The following EPN3 variants were observed in gnomAD, a reference collection of about 807,000 sequenced individuals.
The protein encoded by EPN3 is epsin-3.
In EPN3, 56 loss-of-function variants were observed where a neutral mutation model predicts 55.5. The observed-to-expected ratio is 1.01, with a 90% CI of 0.81 to 1.26. The LOEUF is 1.26. Ranked by LOEUF, EPN3 falls within the 50% of genes most tolerant of loss-of-function variation. The pLI, the probability that EPN3 is intolerant of heterozygous loss-of-function variation, is 0.00. For synonymous variants in EPN3, 449 were observed against 375.2 expected, an observed-to-expected ratio of 1.20 and a Z score of -2.27; for missense variants, 927 against 853.4, an observed-to-expected ratio of 1.09 and a Z score of -1.07.
chr17:50,542,239 C>A lies in EPN3; in HGVS notation c.*82C>A. On this transcript the variant is annotated 3_prime_UTR_variant, in exon 10 of 10. Coordinates refer to ENST00000268933, the MANE Select transcript of EPN3 (RefSeq NM_017957.3). ...TCCGGACCCGGGGCTGGGCGGGGCG[C>A]CGGTGCTAGTGGAACGCCGAGCCAG... is the stretch of plus-strand genomic sequence containing the variant. 1 of 1,365,754 alleles carries A rather than the reference C, an allele frequency of 7.3e-7. No homozygotes were observed. The highest frequency in any genetic ancestry group is 9.4e-7 in the Non-Finnish European group (1 of 1,061,354). 84.6% of individuals were successfully genotyped at this position (1,365,754 alleles called of 1,614,324 possible).
In EPN3 at chr17:50,539,220, A is replaced by C; in HGVS notation, c.796A>C (p.Met266Leu). The change falls in exon 5 of 10, where the codon ATG (methionine) becomes CTG (leucine). Residue 266 changes from methionine (M) to leucine (L), a missense_variant. By Grantham distance (15) the Met-to-Leu change is conservative. Coordinates refer to ENST00000268933, the MANE Select transcript of EPN3 (RefSeq NM_017957.3). ...VRSWQGDGSP[M>L]ANGAGAVVHH... ...GTCCTGGCAGGGTGATGGCTCCCCC[A>C]TGGCCAATGGTGCAGGGGCCGTGGT... The C allele has an allele frequency of 6.2e-7, 1 of 1,614,064 alleles. No homozygotes were observed. Among genetic ancestry groups the C allele is most frequent in the Non-Finnish European group, 8.5e-7 (1 of 1,179,978 alleles).
At position 50,541,981 on chromosome 17, in the gene EPN3, T is replaced by G; in HGVS notation, c.1723T>G (p.Tyr575Asp). The G allele has an allele frequency of 1.3e-6, 2 of 1,597,794 alleles. No homozygotes were observed. The highest frequency in any genetic ancestry group is 2.2e-5 in the South Asian group (2 of 90,750). The change falls in exon 10 of 10, where the codon TAC becomes GAC. Residue 575 changes from tyrosine (Y) to aspartate (D), a missense_variant. Physicochemically the swap from Tyr to Asp is radical, Grantham distance 160. Transcript: ENST00000268933. The stretch of plus-strand genomic sequence containing the variant: ...GGGGGCGCCCCTGGGCTCCATGACC[T>G]ACAGCGCCTCTCTGCCCCTCCCGCT... ...PVGAPLGSMTYSASLPLPLSS... is the reference protein window; with the variant it reads ...PVGAPLGSMTDSASLPLPLSS...
Position 50,541,341 on chromosome 17 carries a change from G to A in EPN3, c.1354+8G>A. 1 of 1,611,336 alleles carries A rather than the reference G, an allele frequency of 6.2e-7. No homozygotes were observed. The highest frequency in any genetic ancestry group is 8.5e-7 in the Non-Finnish European group (1 of 1,179,824). On this transcript the variant is annotated splice_region_variant and intron_variant, in intron 8 of 9. Coordinates refer to ENST00000268933, the MANE Select transcript of EPN3 (RefSeq NM_017957.3). ...AGCCCAGCAGCCCTGTGGGTGAGCA[G>A]GGCAAGGGGATGGTGAGGCTCTGGG...
Position 50,538,836 on chromosome 17 carries a change from C to A in EPN3, c.682-48C>A, listed in dbSNP as rs776851914. On this transcript the variant is annotated intron_variant, in intron 3 of 9. Coordinates refer to ENST00000268933, the MANE Select transcript of EPN3 (RefSeq NM_017957.3). The stretch of plus-strand genomic sequence containing the variant: ...GGCAGGCCTATACTGCCCTTCTGGT[C>A]CCAAGGTGGGGGTACAGGGCCAAGT... 4 of 1,450,062 alleles carry A rather than the reference C, an allele frequency of 2.8e-6. No individual in the cohort carries two copies. The South Asian group carries it at 5.4e-5, about 19-fold the overall frequency. 89.8% of individuals were successfully genotyped at this position (1,450,062 alleles called of 1,614,324 possible).
rs375774638 is a variant in EPN3, at chr17:50,540,226, G to A, written c.892-21G>A. 84 of 1,607,682 alleles carry A rather than the reference G, an allele frequency of 5.2e-5. 1 individual carries two copies. Among genetic ancestry groups the A allele is most frequent in the Admixed American group, 5.0e-4 (30 of 59,902 alleles). On this transcript the variant is annotated intron_variant, in intron 5 of 9. Transcript: ENST00000268933. ...CAGGCCCCGCCCACTTCTGAGCCGC[G>A]GCTGCCTCTCCCCTCCACAGTCCTC... is the stretch of plus-strand genomic sequence containing the variant.
At chr17:50,534,858 C>G (rs1483285963) in intron 1 of EPN3, among the ~76,000 whole-genome samples, 3 of 152,126 alleles carry the variant, frequency 2.0e-5, no homozygotes, top group Non-Finnish European at 4.4e-5. Context: ...CTTCTGGCAG[C>G]CTGGGGACCA....
At chr17:50,541,084 G>A (rs7214535) in intron 7 of EPN3, 22 bp downstream of exon 7, 65,348 of 1,570,046 alleles carry the variant, frequency 0.042, 2,573 homozygotes, top group African/African-American at 0.2. Flanking sequence ...GCCAGAGAGT[G>A]TGAGTGAGGA....
Position 50,538,948 on chromosome 17 carries a change from G to A in EPN3, c.746G>A (p.Arg249Gln), listed in dbSNP as rs774832309. The change falls in exon 4 of 10, where the codon CGG becomes CAG. Residue 249 changes from arginine (R) to glutamine (Q), a missense_variant. Coordinates refer to ENST00000268933, the MANE Select transcript of EPN3 (RefSeq NM_017957.3). ...LQLQLALRLS[R>Q]QEHEKEVRSW... ...CTGCAGCTGGCTCTGCGCCTGAGCCGGCAGGAGCACGAGAAGGTAGTGGGC... is the reference window on the plus strand; with the variant it reads ...CTGCAGCTGGCTCTGCGCCTGAGCCAGCAGGAGCACGAGAAGGTAGTGGGC... 19 of 1,606,660 alleles carry A rather than the reference G, an allele frequency of 1.2e-5. No homozygotes were observed. Among genetic ancestry groups the A allele is most frequent in the South Asian group, 9.9e-5 (9 of 90,566 alleles).
chr17:50,538,728 G>C (rs2034800399), intron 3 of EPN3, 156 bp from the exon 4 acceptor site: 1 of 537,884 alleles, frequency 1.9e-6, no homozygotes, highest in Non-Finnish European at 3.3e-6. Flanking sequence ...GCAGGGAGAA[G>C]GCCACGCCCA....
chr17:50,540,445 G>C, intron 6 of EPN3, 111 bp downstream of exon 6: 1 of 1,012,610 alleles, frequency 9.9e-7, no homozygotes, highest in African/African-American at 1.6e-5. Flanking sequence ...CACCGGGCAA[G>C]TCACTCACCA....
chr17:50,535,103 G>A (rs1198775515), intron 1 of EPN3, among the ~76,000 whole-genome samples: 1 of 152,192 alleles, frequency 6.6e-6, no homozygotes, highest in Non-Finnish European at 1.5e-5. Context: ...TGGACCTGTG[G>A]CTACTGGGGG....
rs1259343843 is a variant in EPN3, at chr17:50,540,932, G to C, written c.1119G>C (p.Trp373Cys). Reference protein sequence around the residue: ...LTPMLSSSEPWGRTPVLPAGP... With the variant: ...LTPMLSSSEPCGRTPVLPAGP... ...CCATGCTCTCCTCCTCTGAGCCCTG[G>C]GGCAGGACCCCAGTGCTGCCTGCTG... The change falls in exon 7 of 10, where the codon TGG becomes TGC. Residue 373 changes from tryptophan to cysteine, a missense_variant. Trp to Cys is a radical substitution (Grantham distance 215, BLOSUM62 -2). Coordinates refer to ENST00000268933, the MANE Select transcript of EPN3 (RefSeq NM_017957.3). 2 of 1,613,842 alleles carry C rather than the reference G, an allele frequency of 1.2e-6. No homozygotes were observed. Among genetic ancestry groups the C allele is most frequent in the Non-Finnish European group, 1.7e-6 (2 of 1,180,008 alleles).
Position 50,541,683 on chromosome 17 carries a change from C to T in EPN3, c.1574C>T (p.Pro525Leu), listed in dbSNP as rs1597864415. 1.2e-6 allele frequency: 2 copies of T among 1,614,000 alleles called. No homozygotes were observed. The highest frequency in any genetic ancestry group is 1.7e-6 in the Non-Finnish European group (2 of 1,179,912). The change falls in exon 9 of 10, where the codon CCC (proline) becomes CTC (leucine). Residue 525 changes from proline (P) to leucine (L), a missense_variant. Coordinates refer to ENST00000268933, the MANE Select transcript of EPN3 (RefSeq NM_017957.3). ...KAPQVAKTRN[P>L]FLTGLSAPSP... ...CCCCAGGTTGCAAAGACCCGGAACCCCTTCCTGACAGGTAAGATATGCCCT... is the reference window on the plus strand; with the variant it reads ...CCCCAGGTTGCAAAGACCCGGAACCTCTTCCTGACAGGTAAGATATGCCCT...
Position 50,532,823 on chromosome 17 carries a change from G to T in EPN3, c.-299G>T. The T allele has an allele frequency of 8.4e-7, 1 of 1,197,118 alleles. No individual in the cohort carries two copies. The highest frequency in any genetic ancestry group is 1.3e-5 in the South Asian group (1 of 78,132). The allele number at this position is 1,197,118 out of a possible 1,614,324, so 74.2% of individuals were successfully genotyped here. On this transcript the variant is annotated 5_prime_UTR_variant, in exon 1 of 10. Coordinates refer to ENST00000268933, the MANE Select transcript of EPN3 (RefSeq NM_017957.3). ...GGACCCTGCCGCTGCCCCTCTGAGG[G>T]GTCTGCACCTCCTGGGAGCAGGTGG... is the stretch of plus-strand genomic sequence containing the variant.
Position 50,534,487 on chromosome 17 carries a change from A to C in EPN3, c.-137+1502A>C, listed in dbSNP as rs1024777843. 2.9e-5 allele frequency: 29 copies of C among 985,462 alleles called. No individual in the cohort carries two copies. In the East Asian group the frequency reaches 2.3e-3, roughly 77 times the overall value. 61.0% of individuals were successfully genotyped at this position (985,462 alleles called of 1,614,324 possible). ...GCGTGTGCTGGGCGGGCTTTGGTGCACATTATTTCCCATCTTGACTCTGCC... is the reference window on the plus strand; with the variant it reads ...GCGTGTGCTGGGCGGGCTTTGGTGCCCATTATTTCCCATCTTGACTCTGCC... On this transcript the variant is annotated intron_variant, in intron 1 of 9. Coordinates refer to ENST00000268933, the MANE Select transcript of EPN3 (RefSeq NM_017957.3).
intron 1 of EPN3, among the ~76,000 whole-genome samples, chr17:50,535,195 C>T (rs2034742306): frequency 1.3e-5 from 2 of 152,158 alleles, no homozygotes; most frequent in Admixed American, 1.3e-4. Flanking sequence ...TTTGGAGAAC[C>T]CAGACTGTTC....
At chr17:50,541,800 G>C in intron 9 of EPN3, 44 bp from the exon 10 acceptor site, 1 of 1,608,456 alleles carries the variant, frequency 6.2e-7, no homozygotes, top group Non-Finnish European at 8.5e-7. Flanking sequence ...TCCCGGTGTA[G>C]GGCTCTGAAC....
intron 1 of EPN3, among the ~76,000 whole-genome samples, chr17:50,535,515 G>C (rs1315003810): frequency 1.3e-5 from 2 of 152,170 alleles, no homozygotes; most frequent in South Asian, 4.1e-4. Flanking sequence ...CCAGGTCATA[G>C]CATTTCTTCT....
At position 50,532,988 on chromosome 17, in the gene EPN3, A is replaced by G. The variant is rs2034695052; in HGVS notation, c.-137+3A>G. 1 of 1,282,556 alleles carries G rather than the reference A, an allele frequency of 7.8e-7. No homozygotes were observed. The highest frequency in any genetic ancestry group is 1.2e-5 in the South Asian group (1 of 80,656). The allele number at this position is 1,282,556 out of a possible 1,614,324, so 79.4% of individuals were successfully genotyped here. A position where few individuals can be genotyped will look rare whatever the true frequency, so the allele number is the denominator to read the frequency against. The stretch of plus-strand genomic sequence containing the variant: ...GGCCGAGGGAGCCCGCACTGGAGGT[A>G]AGCTTCCTCCCTGGCCCCCTCCCTG... On this transcript the variant is annotated splice_donor_region_variant and intron_variant, in intron 1 of 9. Coordinates refer to ENST00000268933, the MANE Select transcript of EPN3 (RefSeq NM_017957.3).
Sources: gnomAD v4.1 joint callset for allele counts (sites outside exome capture counted in the v4.1 genomes callset) on GRCh38, gnomAD v4.1.1 for gene constraint, MANE v1.5 for transcripts, NCBI Gene and HGNC (gene_info 2026-07-23, HGNC 2026-07-21) for gene names.